Variants in ATP6V1A observed in about 807,000 individuals in gnomAD.
ATP6V1A encodes ATPase H+ transporting V1 subunit A.
ATP6V1A carries 18 observed loss-of-function variants against 70.1 expected under a neutral mutation model. The ratio of observed to expected loss-of-function variants is 0.26; its 90% CI spans 0.18 to 0.38. The LOEUF (loss-of-function observed/expected upper bound fraction) is 0.38, where lower values mean the gene tolerates loss of function less well. Among genes scored for constraint, ATP6V1A ranks in the 10% least tolerant of loss-of-function variants. The pLI is 1.00. For missense variants in ATP6V1A, 424 were observed against 772.4 expected (o/e 0.55, Z 5.35); for synonymous variants, 232 against 253.8 (o/e 0.91, Z 0.82).
chr3:113,757,690 C>G (rs372380196), intron 1 of ATP6V1A, among the ~76,000 whole-genome samples: 21 of 152,264 alleles, frequency 1.4e-4, no homozygotes, highest in African/African-American at 4.6e-4. Context: ...CTTGGCAGGA[C>G]CAGAGAGTGC....
At chr3:113,756,121 C>T (rs1184073491) in intron 1 of ATP6V1A, among the ~76,000 whole-genome samples, 1 of 152,120 alleles carries the variant, frequency 6.6e-6, no homozygotes, top group Non-Finnish European at 1.5e-5. Context: ...GAAAACTAGG[C>T]ACGGGATGAT....
intron 12 of ATP6V1A, 144 bp downstream of exon 12, chr3:113,798,590 A>G (rs1709178029): frequency 3.0e-6 from 2 of 656,720 alleles, no homozygotes; most frequent in Admixed American, 3.8e-5. Context: ...TCTATTCATT[A>G]TAGTACTTAG....
chr3:113,761,736 C>T (rs1247273949), intron 1 of ATP6V1A, among the ~76,000 whole-genome samples: 1 of 125,066 alleles, frequency 8.0e-6, no homozygotes, highest in African/African-American at 3.0e-5. Flanking sequence ...AACTCTGTCT[C>T]AAAAAAAAAA....
In ATP6V1A at chr3:113,783,685, A is replaced by G. The variant is rs764299051; in HGVS notation, c.212-539A>G. On this transcript the variant is annotated intron_variant, in intron 3 of 14. Transcript: ENST00000273398. ...AATGTTAGACATATTGTCAGACACC[A>G]CATGAACTAGTAGCTTGAGATAATA... Among the ~76,000 whole-genome samples, 6 of 152,218 alleles carry G rather than the reference A, an allele frequency of 3.9e-5. No homozygotes were observed. The East Asian group carries it at 1.2e-3, about 29-fold the overall frequency.
intron 6 of ATP6V1A, among the ~76,000 whole-genome samples, chr3:113,787,418 G>T (rs2108032235): frequency 6.6e-6 from 1 of 152,270 alleles, no homozygotes; most frequent in Middle Eastern, 3.4e-3. Context: ...AAAGCAGGGG[G>T]AAAATGCCCT....
At chr3:113,778,487 C>T (rs907551546) in intron 1 of ATP6V1A, among the ~76,000 whole-genome samples, 10 of 151,926 alleles carry the variant, frequency 6.6e-5, no homozygotes, top group African/African-American at 1.9e-4. Flanking sequence ...GCAGGAGGAT[C>T]GCTAGAGTCC....
chr3:113,795,324 T>A, intron 10 of ATP6V1A, 120 bp downstream of exon 10: 1 of 1,116,140 alleles, frequency 9.0e-7, no homozygotes, highest in Non-Finnish European at 1.3e-6. Flanking sequence ...CAGCGGTTCT[T>A]AAGGAGGGTT....
chr3:113,772,595 G>A (rs1159844606), intron 1 of ATP6V1A, among the ~76,000 whole-genome samples: 1 of 151,914 alleles, frequency 6.6e-6, no homozygotes, highest in Non-Finnish European at 1.5e-5. Context: ...GGGCGTGGTG[G>A]CAGGCACCTA....
chr3:113,801,744 G>A (rs943181016), intron 12 of ATP6V1A, among the ~76,000 whole-genome samples: 17 of 152,246 alleles, frequency 1.1e-4, no homozygotes, highest in African/African-American at 3.9e-4. Context: ...AGCAGCATGG[G>A]TGGATCAAAA....
At chr3:113,790,418 C>T (rs955274211) in intron 8 of ATP6V1A, among the ~76,000 whole-genome samples, 1 of 151,822 alleles carries the variant, frequency 6.6e-6, no homozygotes, top group Non-Finnish European at 1.5e-5. Flanking sequence ...TCTTATACTA[C>T]CTTTTTTCAC....
intron 1 of ATP6V1A, among the ~76,000 whole-genome samples, chr3:113,772,449 T>A (rs1023160387): frequency 1.3e-5 from 2 of 152,056 alleles, no homozygotes; most frequent in African/African-American, 4.8e-5. Context: ...AAAATGGGGC[T>A]GGGCACCATG....
chr3:113,807,175 T>C (rs192530584), intron 14 of ATP6V1A, among the ~76,000 whole-genome samples: 2 of 135,346 alleles, frequency 1.5e-5, no homozygotes, highest in East Asian at 2.2e-4. Flanking sequence ...ATTCTTTTTC[T>C]TTTTTTTTCT....
At chr3:113,760,670 A>G (rs1385973082) in intron 1 of ATP6V1A, among the ~76,000 whole-genome samples, 1 of 152,130 alleles carries the variant, frequency 6.6e-6, no homozygotes, top group African/African-American at 2.4e-5. Flanking sequence ...TGGAGCTTGC[A>G]GTGAGCCGAG....
At chr3:113,752,837 T>G (rs1708602656) in intron 1 of ATP6V1A, among the ~76,000 whole-genome samples, 1 of 152,092 alleles carries the variant, frequency 6.6e-6, no homozygotes, top group African/African-American at 2.4e-5. Context: ...TTGCAACAGA[T>G]GCAAAAACTG....
chr3:113,798,118 G>A, intron 11 of ATP6V1A, 125 bp from the exon 12 acceptor site: 1 of 1,005,372 alleles, frequency 9.9e-7, no homozygotes, highest in Non-Finnish European at 1.5e-6. Flanking sequence ...GGGTGACAGA[G>A]CAAGCCTCTG....
At chr3:113,770,280 C>T (rs1708820175) in intron 1 of ATP6V1A, among the ~76,000 whole-genome samples, 1 of 152,122 alleles carries the variant, frequency 6.6e-6, no homozygotes, top group Non-Finnish European at 1.5e-5. Context: ...GAACTCCTGA[C>T]CACAAGTAAC....
intron 1 of ATP6V1A, among the ~76,000 whole-genome samples, chr3:113,762,340 G>A (rs969536905): frequency 1.3e-4 from 19 of 151,972 alleles, no homozygotes; most frequent in Non-Finnish European, 2.5e-4. Context: ...AGGCCAAAGC[G>A]GGCGGATCAC....
At chr3:113,801,518 TG>T (rs1160240951) in intron 12 of ATP6V1A, among the ~76,000 whole-genome samples, 15 of 152,220 alleles carry the variant, frequency 9.9e-5, no homozygotes, top group Non-Finnish European at 5.9e-5. Context: ...TGATAGGACT[TG>T]TTTACATACC....
In ATP6V1A at chr3:113,784,380, A is replaced by T; in HGVS notation, c.368A>T (p.Asn123Ile). Residue 123 changes from asparagine (N) to isoleucine (I), a missense_variant, in exon 4 of 15, where the codon AAC (asparagine) becomes ATC (isoleucine). Coordinates refer to ENST00000273398, the MANE Select transcript of ATP6V1A (RefSeq NM_001690.4). ...TQSIYIPRGV[N>I]VSALSRDIKW... ...AGCATCTACATCCCCAGAGGAGTAAACGTGTCTGCTCTTAGCAGAGATATC... is the reference window on the plus strand; with the variant it reads ...AGCATCTACATCCCCAGAGGAGTAATCGTGTCTGCTCTTAGCAGAGATATC... The T allele has an allele frequency of 6.2e-7, 1 of 1,614,158 alleles. No individual in the cohort carries two copies. The highest frequency in any genetic ancestry group is 8.5e-7 in the Non-Finnish European group (1 of 1,180,012).
Sources: gnomAD v4.1 joint callset for allele counts (sites outside exome capture counted in the v4.1 genomes callset) on GRCh38, gnomAD v4.1.1 for gene constraint, MANE v1.5 for transcripts, NCBI Gene and HGNC (gene_info 2026-07-23, HGNC 2026-07-21) for gene names.